The following SLC9A9 variants were observed in gnomAD, a reference collection of about 807,000 sequenced individuals.
SLC9A9 encodes the protein solute carrier family 9 member A9, also known as sodium/hydrogen exchanger 9.
Under a neutral mutation model 77.8 loss-of-function variants are expected in SLC9A9, and 62 were observed. The ratio of observed to expected loss-of-function variants is 0.80; its 90% CI spans 0.65 to 0.98. The LOEUF is 0.98. Among genes scored for constraint, SLC9A9 ranks in the 50% least tolerant of loss-of-function variants. The pLI, the probability that SLC9A9 is intolerant of heterozygous loss-of-function variation, is 0.00. For synonymous variants in SLC9A9, 320 were observed against 283.5 expected, an observed-to-expected ratio of 1.13 and a Z score of -1.29; for missense variants, 775 against 774.9, an observed-to-expected ratio of 1.00 and a Z score of 0.00.
intron 12 of SLC9A9, among the ~76,000 whole-genome samples, chr3:143,458,292 T>G (rs1559925399): frequency 2.0e-5 from 3 of 152,112 alleles, no homozygotes; most frequent in Non-Finnish European, 2.9e-5. Flanking sequence ...CTTTTTTCAT[T>G]CTTTTACACT....
At chr3:143,332,706 G>T (rs1559871537) in intron 14 of SLC9A9, among the ~76,000 whole-genome samples, 1 of 152,170 alleles carries the variant, frequency 6.6e-6, no homozygotes, top group Non-Finnish European at 1.5e-5. Flanking sequence ...TCTGATCATG[G>T]AAACATTTAT....
intron 12 of SLC9A9, among the ~76,000 whole-genome samples, chr3:143,448,452 A>T (rs2034884466): frequency 6.6e-6 from 1 of 152,138 alleles, no homozygotes; most frequent in South Asian, 2.1e-4. Flanking sequence ...CTTCCTGCAG[A>T]CCCAGAAAAA....
At chr3:143,418,043 A>G (rs966849261) in intron 12 of SLC9A9, among the ~76,000 whole-genome samples, 1 of 151,554 alleles carries the variant, frequency 6.6e-6, no homozygotes, top group African/African-American at 2.4e-5. Flanking sequence ...TTTGAGCACC[A>G]AAAAGTTGAC....
chr3:143,512,251 C>G (rs947324878), intron 9 of SLC9A9, among the ~76,000 whole-genome samples: 1 of 152,196 alleles, frequency 6.6e-6, no homozygotes, highest in African/African-American at 2.4e-5. Context: ...TGTAATAAAA[C>G]TTTATAGGAT....
intron 11 of SLC9A9, among the ~76,000 whole-genome samples, chr3:143,488,213 A>G (rs2108586506): frequency 6.6e-6 from 1 of 152,072 alleles, no homozygotes; most frequent in African/African-American, 2.4e-5. Flanking sequence ...AAGAAATGAA[A>G]AATCTGAATT....
At chr3:143,839,501 TACACACACACACAC>T (rs57906338) in intron 1 of SLC9A9, among the ~76,000 whole-genome samples, 1 of 150,134 alleles carries the variant, frequency 6.7e-6, no homozygotes, top group African/African-American at 2.4e-5. Context: ...ACAACACACA[TACACACACACACAC>T]ACACACACAC....
rs572726331 is a variant in SLC9A9, at chr3:143,439,690, TC to T, written c.1469+27346del. On this transcript the variant is annotated intron_variant, in intron 12 of 15. Coordinates refer to ENST00000316549, the MANE Select transcript of SLC9A9 (RefSeq NM_173653.4). ...TAGGACTATGTCATTCTTCCCTGTA[TC>T]CCCCCAACTCCCCTCATTCTCCAGA... 6.6e-5 allele frequency among the ~76,000 whole-genome samples: 10 copies of T among 151,984 alleles called. No homozygotes were observed. In the South Asian group the frequency reaches 1.9e-3, roughly 28 times the overall value.
intron 4 of SLC9A9, among the ~76,000 whole-genome samples, chr3:143,785,071 A>G (rs2008005995): frequency 6.6e-6 from 1 of 152,234 alleles, no homozygotes; most frequent in Admixed American, 6.5e-5. Flanking sequence ...ACGCCAGTCT[A>G]TGATACTTTG....
At chr3:143,280,845 G>A (rs979376346) in intron 14 of SLC9A9, among the ~76,000 whole-genome samples, 3 of 152,086 alleles carry the variant, frequency 2.0e-5, no homozygotes, top group South Asian at 2.1e-4. Flanking sequence ...GAGCTACCGC[G>A]CCTAGCCAGA....
At chr3:143,392,314 G>T (rs1040506821) in intron 12 of SLC9A9, among the ~76,000 whole-genome samples, 9 of 152,258 alleles carry the variant, frequency 5.9e-5, no homozygotes, top group Middle Eastern at 3.4e-3. Context: ...TTAAAGAAAA[G>T]AATTTTCAAC....
chr3:143,312,037 G>A (rs1443057818), intron 14 of SLC9A9, among the ~76,000 whole-genome samples: 2 of 152,178 alleles, frequency 1.3e-5, no homozygotes, highest in Non-Finnish European at 2.9e-5. Flanking sequence ...GATTTTTATG[G>A]AGAACAAAAC....
chr3:143,468,270 A>G (rs537023322), intron 11 of SLC9A9, among the ~76,000 whole-genome samples: 58 of 152,322 alleles, frequency 3.8e-4, no homozygotes, highest in African/African-American at 1.3e-3. Flanking sequence ...TGGCTGTAAC[A>G]TTTTACATTC....
chr3:143,507,728 T>TAA (rs1260775433), intron 9 of SLC9A9, among the ~76,000 whole-genome samples: 2 of 152,218 alleles, frequency 1.3e-5, no homozygotes, highest in Non-Finnish European at 2.9e-5. Flanking sequence ...GCTTCTATAA[T>TAA]AAATACACCA....
chr3:143,767,991 C>T lies in SLC9A9; in HGVS notation c.533+27010G>A, dbSNP rs566741751. Among the ~76,000 whole-genome samples the T allele has an allele frequency of 1.3e-4, 20 of 152,164 alleles. No individual in the cohort carries two copies. In the South Asian group the frequency reaches 3.7e-3, roughly 28 times the overall value. On this transcript the variant is annotated intron_variant, in intron 4 of 15. Transcript: ENST00000316549. ...CTTTGCTGTTAAATTTTGGACAAGG[C>T]AATTAAAGGTAAATAGATGACAGCT... is the stretch of plus-strand genomic sequence containing the variant.
intron 6 of SLC9A9, among the ~76,000 whole-genome samples, chr3:143,652,048 C>A (rs2038805727): frequency 6.6e-6 from 1 of 152,082 alleles, no homozygotes; most frequent in African/African-American, 2.4e-5. Context: ...TAGGTAGTAT[C>A]TTGTAATAAG....
At chr3:143,796,770 G>T in intron 3 of SLC9A9, 56 bp downstream of exon 3, 1 of 1,244,262 alleles carries the variant, frequency 8.0e-7, no homozygotes, top group Non-Finnish European at 1.2e-6. Flanking sequence ...TCTCATTAGT[G>T]CTGGTAAAAT....
intron 14 of SLC9A9, among the ~76,000 whole-genome samples, chr3:143,316,286 G>A (rs1002783319): frequency 6.6e-6 from 1 of 152,212 alleles, no homozygotes; most frequent in Non-Finnish European, 1.5e-5. Flanking sequence ...ATGTCAAGGA[G>A]TTTGCCATCA....
intron 14 of SLC9A9, among the ~76,000 whole-genome samples, chr3:143,318,558 C>T (rs760876024): frequency 6.6e-6 from 1 of 152,120 alleles, no homozygotes; most frequent in Non-Finnish European, 1.5e-5. Context: ...AATAGCTAAC[C>T]ATCGGGAAGC....
At position 143,266,496 on chromosome 3, in the gene SLC9A9, A is replaced by T; in HGVS notation, c.*206T>A. The T allele has an allele frequency of 1.6e-6, 1 of 619,012 alleles. No individual in the cohort carries two copies. The allele number at this position is 619,012 out of a possible 1,614,324, so 38.3% of individuals were successfully genotyped here. A position where few individuals can be genotyped will look rare whatever the true frequency, so the allele number is the denominator to read the frequency against. On this transcript the variant is annotated 3_prime_UTR_variant, in exon 16 of 16. Transcript: ENST00000316549. ...TAATCAGAATGGCTGCTGTCAAAAAACTAAATTCATTTGCATAATAGAGAG... is the reference window on the plus strand; with the variant it reads ...TAATCAGAATGGCTGCTGTCAAAAATCTAAATTCATTTGCATAATAGAGAG...
Sources: allele counts gnomAD v4.1 joint callset (sites outside exome capture counted in the v4.1 genomes callset), GRCh38; gene constraint gnomAD v4.1.1; transcripts MANE v1.5; gene names NCBI Gene and HGNC (gene_info 2026-07-23, HGNC 2026-07-21).